DCC: variants seen among roughly 807,000 people sequenced by gnomAD.
DCC encodes the protein netrin receptor DCC.
Under a neutral mutation model 172.5 loss-of-function variants are expected in DCC, and 58 were observed. That is an observed-to-expected ratio of 0.34 (90% CI 0.27 to 0.42). DCC has a LOEUF of 0.42. Among genes scored for constraint, DCC ranks in the 10% least tolerant of loss-of-function variants. DCC has a pLI of 1.00. For missense variants in DCC, 1,740 were observed against 1,791.0 expected, an observed-to-expected ratio of 0.97 and a Z score of 0.51; for synonymous variants, 709 against 644.5, an observed-to-expected ratio of 1.10 and a Z score of -1.52.
In DCC at chr18:53,512,443, G is replaced by A. The variant is rs565008358; in HGVS notation, c.4111+12933G>A. Among the ~76,000 whole-genome samples, 251 of 151,540 alleles carry A rather than the reference G, an allele frequency of 1.7e-3. 1 individual carries two copies. Among genetic ancestry groups the A allele is most frequent in the African/African-American group, 5.6e-3 (231 of 41,182 alleles). ...AAGAACGCAGTTCCTCACCAGCAACGGAACAAAGCTGGATGGAGAATGACT... is the reference window on the plus strand; with the variant it reads ...AAGAACGCAGTTCCTCACCAGCAACAGAACAAAGCTGGATGGAGAATGACT... On this transcript the variant is annotated intron_variant, in intron 27 of 28. Coordinates refer to ENST00000442544, the MANE Select transcript of DCC (RefSeq NM_005215.4).
Position 53,076,943 on chromosome 18 carries a change from C to A in DCC, c.1261+10777C>A, listed in dbSNP as rs992826300. Among the ~76,000 whole-genome samples, 5 of 152,254 alleles carry A rather than the reference C, an allele frequency of 3.3e-5. No individual in the cohort carries two copies. In the South Asian group the frequency reaches 6.2e-4, roughly 19 times the overall value. ...AGCAATGCATAGGCTCCATTCTTGC[C>A]TCTGTAGCCTTATCATTTGTGCACC... On this transcript the variant is annotated intron_variant, in intron 7 of 28. Coordinates refer to ENST00000442544, the MANE Select transcript of DCC (RefSeq NM_005215.4).
chr18:52,678,085 G>T (rs775435223), intron 1 of DCC, among the ~76,000 whole-genome samples: 1 of 152,116 alleles, frequency 6.6e-6, no homozygotes. Flanking sequence ...ACCATGTCAA[G>T]CCTTGAATGG....
chr18:53,508,912 G>T (rs2046216897), intron 27 of DCC, among the ~76,000 whole-genome samples: 1 of 152,158 alleles, frequency 6.6e-6, no homozygotes, highest in Admixed American at 6.5e-5. Flanking sequence ...TCACTTAAAT[G>T]GTCACACTGC....
At chr18:53,017,759 G>C (rs947375911) in intron 5 of DCC, among the ~76,000 whole-genome samples, 3 of 152,110 alleles carry the variant, frequency 2.0e-5, no homozygotes, top group Non-Finnish European at 4.4e-5. Context: ...TTCATCCATT[G>C]CTAGCAGCAG....
Position 53,019,680 on chromosome 18 carries a change from G to A in DCC, c.986-43625G>A, listed in dbSNP as rs76643958. ...TCCAGTTTATCTGATTTTTTAGACC[G>A]GGAATTGGCAAATTAAGGACCATGG... On this transcript the variant is annotated intron_variant, in intron 5 of 28. Coordinates refer to ENST00000442544, the MANE Select transcript of DCC (RefSeq NM_005215.4). Among the ~76,000 whole-genome samples, 317 of 152,100 alleles carry A rather than the reference G, an allele frequency of 2.1e-3. 7 individuals are homozygous for A. The East Asian group carries it at 0.042, about 20-fold the overall frequency.
At chr18:53,483,081 G>T (rs1159872646) in intron 25 of DCC, among the ~76,000 whole-genome samples, 1 of 151,826 alleles carries the variant, frequency 6.6e-6, no homozygotes, top group African/African-American at 2.4e-5. Flanking sequence ...CTCTAGCACT[G>T]TCCTAGAAAA....
intron 1 of DCC, among the ~76,000 whole-genome samples, chr18:52,711,874 T>C (rs948785381): frequency 9.9e-5 from 15 of 152,208 alleles, no homozygotes; most frequent in Non-Finnish European, 2.1e-4. Context: ...CTTTTCTGTA[T>C]CTCCAACTAG....
At chr18:53,016,797 G>T (rs1369781026) in intron 5 of DCC, among the ~76,000 whole-genome samples, 1 of 152,074 alleles carries the variant, frequency 6.6e-6, no homozygotes, top group Non-Finnish European at 1.5e-5. Flanking sequence ...GTTTTCAAAA[G>T]ATTTTTTACG....
intron 12 of DCC, among the ~76,000 whole-genome samples, chr18:53,283,082 T>A (rs748213377): frequency 4.6e-5 from 7 of 152,152 alleles, no homozygotes; most frequent in Non-Finnish European, 1.0e-4. Flanking sequence ...AAAGTGAATG[T>A]TTTTACAAGT....
chr18:52,520,281 C>T (rs147777885), intron 1 of DCC, among the ~76,000 whole-genome samples: 17 of 152,278 alleles, frequency 1.1e-4, no homozygotes, highest in African/African-American at 4.1e-4. Flanking sequence ...CAAGACATTT[C>T]CTATGAATGG....
chr18:53,365,465 A>G (rs898714777), intron 15 of DCC, among the ~76,000 whole-genome samples: 1 of 151,854 alleles, frequency 6.6e-6, no homozygotes. Context: ...AAAAAAGAAA[A>G]AAGCAGCAAA....
At chr18:53,232,471 A>C (rs938698594) in intron 12 of DCC, among the ~76,000 whole-genome samples, 3 of 152,154 alleles carry the variant, frequency 2.0e-5, no homozygotes, top group African/African-American at 7.2e-5. Flanking sequence ...GTATTTCATG[A>C]ATGATGCTGA....
At chr18:52,684,511 G>C (rs1004207742) in intron 1 of DCC, among the ~76,000 whole-genome samples, 1 of 151,804 alleles carries the variant, frequency 6.6e-6, no homozygotes, top group Non-Finnish European at 1.5e-5. Flanking sequence ...TGTGGTGATC[G>C]TACACTCTCT....
At chr18:52,428,698 A>G (rs990472799) in intron 1 of DCC, among the ~76,000 whole-genome samples, 1 of 152,122 alleles carries the variant, frequency 6.6e-6, no homozygotes, top group Non-Finnish European at 1.5e-5. Context: ...GAGACAGAGC[A>G]AGCCATGGAA....
At chr18:53,200,885 G>C (rs576716221) in intron 9 of DCC, among the ~76,000 whole-genome samples, 2 of 152,110 alleles carry the variant, frequency 1.3e-5, no homozygotes, top group African/African-American at 4.8e-5. Context: ...TTCATTTGCA[G>C]CTTCTCTTCC....
At chr18:52,532,700 C>A (rs768926466) in intron 1 of DCC, among the ~76,000 whole-genome samples, 2 of 151,972 alleles carry the variant, frequency 1.3e-5, no homozygotes, top group Non-Finnish European at 1.5e-5. Flanking sequence ...GAGAAGAGAG[C>A]TGTCTATAAA....
intron 9 of DCC, among the ~76,000 whole-genome samples, chr18:53,201,950 T>C (rs1327754706): frequency 1.3e-5 from 2 of 152,236 alleles, no homozygotes; most frequent in East Asian, 1.9e-4. Context: ...TAGAGATGGA[T>C]TGGAATGGGA....
chr18:53,295,549 A>G lies in DCC; in HGVS notation c.1912-10029A>G, dbSNP rs571814168. Reference sequence around the variant, plus strand: ...ATATTTACCAAGTATTTAGATAGATACTGTAAGTTAAACATTAAATGTTGC... The same window carrying G: ...ATATTTACCAAGTATTTAGATAGATGCTGTAAGTTAAACATTAAATGTTGC... On this transcript the variant is annotated intron_variant, in intron 12 of 28. Transcript: ENST00000442544. 1.3e-4 allele frequency among the ~76,000 whole-genome samples: 17 copies of G among 134,710 alleles called. No homozygotes were observed. The South Asian group carries it at 3.7e-3, about 30-fold the overall frequency. The allele number at this position is 134,710 out of a possible 152,430, so 88.4% of individuals were successfully genotyped here.
intron 12 of DCC, among the ~76,000 whole-genome samples, chr18:53,243,752 A>G (rs770238843): frequency 3.3e-5 from 5 of 152,218 alleles, no homozygotes; most frequent in Admixed American, 1.3e-4. Context: ...TATACAAAAC[A>G]GGGTCACTCA....
Sources: allele counts gnomAD v4.1 joint callset (sites outside exome capture counted in the v4.1 genomes callset), GRCh38; gene constraint gnomAD v4.1.1; transcripts MANE v1.5; gene names NCBI Gene and HGNC (gene_info 2026-07-23, HGNC 2026-07-21).